Variants in CYRIB observed in about 807,000 individuals in gnomAD.
CYRIB encodes the protein CYFIP-related Rac1 interactor B.
Under a neutral mutation model 44.2 loss-of-function variants are expected in CYRIB, and 8 were observed. The ratio of observed to expected loss-of-function variants is 0.18; its 90% confidence interval spans 0.11 to 0.33. The LOEUF (loss-of-function observed/expected upper bound fraction) is 0.33, where lower values mean the gene tolerates loss of function less well. CYRIB is among the 10% of genes least tolerant of loss of function. The probability of loss-of-function intolerance (pLI) is 1.00; values close to 1 mark genes in which losing one functional copy is unlikely to be tolerated. For synonymous variants in CYRIB, 131 were observed against 127.2 expected (o/e 1.03, Z -0.20); for missense variants, 185 against 382.8 (o/e 0.48, Z 4.31).
chr8:129,879,350 T>C (rs1318379647), intron 3 of CYRIB, 39 bp downstream of exon 5: 1 of 1,370,890 alleles, frequency 7.3e-7, no homozygotes, highest in Non-Finnish European at 1.0e-6. Flanking sequence ...CGCAGTCTAC[T>C]GCAGGCAAAG....
At chr8:130,011,573 G>A (rs557840696) in intron 1 of CYRIB, among the ~76,000 whole-genome samples, 22 of 151,520 alleles carry the variant, frequency 1.5e-4, no homozygotes, top group Admixed American at 3.3e-4. Context: ...ATCCCAGCAC[G>A]TTGGGAGGCC....
At chr8:129,845,457 C>G (rs1238136704) in intron 11 of CYRIB, among the ~76,000 whole-genome samples, 3 of 152,144 alleles carry the variant, frequency 2.0e-5, no homozygotes, top group African/African-American at 7.2e-5. Flanking sequence ...CCCAAGAATA[C>G]AGAATTCTAA....
chr8:129,897,926 C>T (rs954247028), intron 2 of CYRIB, among the ~76,000 whole-genome samples: 4 of 151,794 alleles, frequency 2.6e-5, no homozygotes, highest in African/African-American at 4.8e-5. Context: ...CCAATACGCC[C>T]GGCTGATTTT....
intron 1 of CYRIB, among the ~76,000 whole-genome samples, chr8:130,015,815 T>C (rs1281380855): frequency 1.3e-5 from 2 of 152,246 alleles, no homozygotes; most frequent in African/African-American, 4.8e-5. Context: ...GGAAGTGCTC[T>C]TTAAACACAG....
intron 1 of CYRIB, among the ~76,000 whole-genome samples, chr8:129,999,127 G>T (rs555604307): frequency 1.3e-5 from 2 of 151,804 alleles, no homozygotes; most frequent in South Asian, 4.2e-4. Context: ...TGAGAATAAC[G>T]TGGGGGGGGT....
intron 1 of CYRIB, among the ~76,000 whole-genome samples, chr8:129,930,938 T>C (rs561324985): frequency 2.6e-5 from 4 of 152,250 alleles, no homozygotes; most frequent in East Asian, 3.9e-4. Flanking sequence ...GACTTCTCCA[T>C]ACTTTTGAAA....
At position 129,955,344 on chromosome 8, in the gene CYRIB, A is replaced by G. The variant is rs141018938; in HGVS notation, c.-243+15599T>C. Reference sequence around the variant, plus strand: ...AGATTTTCCAGTCACCCATAATAGCAAGGAATGGTATCTTTCTCGGTCACA... The same window carrying G: ...AGATTTTCCAGTCACCCATAATAGCGAGGAATGGTATCTTTCTCGGTCACA... On this transcript the variant is annotated intron_variant, in intron 2 of 14. Coordinates refer to the CYRIB transcript ENST00000401979. Among the ~76,000 whole-genome samples, 90 of 152,152 alleles carry G rather than the reference A, an allele frequency of 5.9e-4. No homozygotes were observed. In the South Asian group the frequency reaches 0.011, roughly 19 times the overall value.
intron 1 of CYRIB, among the ~76,000 whole-genome samples, chr8:129,993,425 A>G (rs1436863155): frequency 7.0e-6 from 1 of 142,896 alleles, no homozygotes; most frequent in Non-Finnish European, 1.5e-5. Flanking sequence ...GGCTGAACAC[A>G]GGGGCTCACA....
chr8:129,992,937 A>G (rs2096672853), intron 1 of CYRIB, among the ~76,000 whole-genome samples: 1 of 152,192 alleles, frequency 6.6e-6, no homozygotes, highest in Non-Finnish European at 1.5e-5. Flanking sequence ...ACACGGCAAG[A>G]AGGAAGAGCA....
chr8:129,860,398 G>C (rs1055979307), intron 5 of CYRIB, among the ~76,000 whole-genome samples: 1 of 152,180 alleles, frequency 6.6e-6, no homozygotes, highest in Non-Finnish European at 1.5e-5. Context: ...AACCAAGACA[G>C]AAAACCTAGG....
chr8:130,006,652 A>G lies in CYRIB; in HGVS notation c.-296+9718T>C, dbSNP rs552629456. On this transcript the variant is annotated intron_variant, in intron 1 of 14. Coordinates refer to the CYRIB transcript ENST00000401979. ...TACATATATATGTGTATATATATAC[A>G]TATATATATGTATATATATATGTAT... is the stretch of plus-strand genomic sequence containing the variant. 1.4e-4 allele frequency among the ~76,000 whole-genome samples: 15 copies of G among 110,008 alleles called. 2 individuals are homozygous for G. The highest frequency in any genetic ancestry group is 4.6e-3 in the Middle Eastern group (1 of 216). The allele number at this position is 110,008 out of a possible 152,430, so 72.2% of individuals were successfully genotyped here. A position where few individuals can be genotyped will look rare whatever the true frequency, so the allele number is the denominator to read the frequency against.
intron 5 of CYRIB, among the ~76,000 whole-genome samples, chr8:129,857,188 C>T (rs2046640818): frequency 6.6e-6 from 1 of 152,152 alleles, no homozygotes; most frequent in South Asian, 2.1e-4. Flanking sequence ...CAGACATGCT[C>T]CCTGTGCCCA....
At chr8:129,858,646 G>A (rs1462534190) in intron 5 of CYRIB, among the ~76,000 whole-genome samples, 2 of 152,136 alleles carry the variant, frequency 1.3e-5, no homozygotes, top group African/African-American at 2.4e-5. Flanking sequence ...CACAATTAAC[G>A]GTGGGCATTT....
intron 3 of CYRIB, among the ~76,000 whole-genome samples, chr8:129,874,028 T>TACTAGGAAG (rs1396329670): frequency 1.3e-5 from 2 of 151,802 alleles, no homozygotes; most frequent in Middle Eastern, 3.2e-3. Context: ...AAGGGTGAAA[T>TACTAGGAAG]ACTAGGAAGG....
At position 130,011,690 on chromosome 8, in the gene CYRIB, A is replaced by G. The variant is rs561333126; in HGVS notation, c.-296+4680T>C. Among the ~76,000 whole-genome samples the G allele has an allele frequency of 7.2e-4, 107 of 147,704 alleles. 2 individuals carry two copies. In the East Asian group the frequency reaches 0.016, roughly 22 times the overall value. ...AAAAAAAGAAAGAAAGAAATTAGCC[A>G]GGCATGGTGGCGGGTGCCTGTAGTC... On this transcript the variant is annotated intron_variant, in intron 1 of 14. Coordinates refer to the CYRIB transcript ENST00000401979.
intron 1 of CYRIB, among the ~76,000 whole-genome samples, chr8:129,924,945 C>T (rs2137558235): frequency 6.6e-6 from 1 of 152,264 alleles, no homozygotes; most frequent in South Asian, 2.1e-4. Context: ...TTAGTATAAT[C>T]GTCAAATTTT....
intron 2 of CYRIB, among the ~76,000 whole-genome samples, chr8:129,950,665 G>A (rs1010368521): frequency 3.9e-5 from 6 of 151,952 alleles, no homozygotes; most frequent in East Asian, 3.8e-4. Context: ...AAATTTAAGA[G>A]CTCAGTAAAT....
chr8:129,959,059 CAAAAAAAAAAAAAAAAA>C (rs60576774), intron 2 of CYRIB, among the ~76,000 whole-genome samples: 792 of 68,392 alleles, frequency 0.012, 10 homozygotes, highest in Middle Eastern at 0.055. Context: ...GACTCTGTCT[CAAAAAAAAAAAAAAAAA>C]AAAAAAAACA....
intron 2 of CYRIB, among the ~76,000 whole-genome samples, chr8:129,960,726 C>T (rs867026401): frequency 1.4e-4 from 21 of 145,248 alleles, no homozygotes; most frequent in African/African-American, 2.6e-4. Context: ...CCGAGGCAGG[C>T]GGATCACAAG....
Sources: gnomAD v4.1 joint callset for allele counts (sites outside exome capture counted in the v4.1 genomes callset) on GRCh38, gnomAD v4.1.1 for gene constraint, MANE v1.5 for transcripts, NCBI Gene and HGNC (gene_info 2026-07-23, HGNC 2026-07-21) for gene names.